ZNF804B: variants seen among roughly 807,000 people sequenced by gnomAD.
ZNF804B encodes the protein zinc finger 804B.
ZNF804B carries 80 observed loss-of-function variants against 101.4 expected under a neutral mutation model. The observed-to-expected ratio is 0.79, with a 90% CI of 0.66 to 0.95. The LOEUF (loss-of-function observed/expected upper bound fraction) is 0.95, where lower values mean the gene tolerates loss of function less well. Among genes scored for constraint, ZNF804B ranks in the 40% least tolerant of loss-of-function variants. The probability of loss-of-function intolerance (pLI) is 0.00; values close to 1 mark genes in which losing one functional copy is unlikely to be tolerated. For missense variants in ZNF804B, 1,673 were observed against 1,561.9 expected (o/e 1.07, Z -1.20); for synonymous variants, 622 against 558.8 (o/e 1.11, Z -1.59).
chr7:89,268,572 C>CT (rs139631184), intron 2 of ZNF804B, among the ~76,000 whole-genome samples: 42,641 of 150,746 alleles, frequency 0.28, 6,206 homozygotes, highest in South Asian at 0.34. Context: ...ATTTATTTTT[C>CT]TTTTTTTTTC....
In ZNF804B at chr7:89,150,805, G is replaced by A. The variant is rs1041793358; in HGVS notation, c.109-67350G>A. ...AAGGAAAGACAGAGAGCTTGGCTGAGGCTTTCTAAGAGGCCAGTCCTTCCC... is the reference window on the plus strand; with the variant it reads ...AAGGAAAGACAGAGAGCTTGGCTGAAGCTTTCTAAGAGGCCAGTCCTTCCC... On this transcript the variant is annotated intron_variant, in intron 1 of 3. Coordinates refer to ENST00000333190, the MANE Select transcript of ZNF804B (RefSeq NM_181646.5). Among the ~76,000 whole-genome samples the A allele has an allele frequency of 2.0e-5, 3 of 152,188 alleles. No homozygotes were observed. In the South Asian group the frequency reaches 6.2e-4, roughly 32 times the overall value.
rs767498932 is a variant in ZNF804B at position 89,335,045 on chromosome 7, T to C, written c.2063T>C (p.Val688Ala). The C allele has an allele frequency of 5.0e-6, 8 of 1,613,734 alleles. No homozygotes were observed. Among genetic ancestry groups the C allele is most frequent in the Non-Finnish European group, 4.2e-6 (5 of 1,179,926 alleles). The change falls in exon 4 of 4, where the codon GTT becomes GCT. Residue 688 changes from valine to alanine, a missense_variant. Transcript: ENST00000333190. ...KSNHISMTSK[V>A]SGCGNQRYKR... ...AACCACATCAGCATGACCAGCAAGGTTTCCGGATGTGGAAACCAAAGATAC... is the reference window on the plus strand; with the variant it reads ...AACCACATCAGCATGACCAGCAAGGCTTCCGGATGTGGAAACCAAAGATAC...
chr7:89,130,392 T>C (rs1790530244), intron 1 of ZNF804B, among the ~76,000 whole-genome samples: 1 of 151,864 alleles, frequency 6.6e-6, no homozygotes, highest in Non-Finnish European at 1.5e-5. Context: ...GGAATAGTTA[T>C]ATGGAAGATG....
At chr7:89,189,719 C>G (rs1433449573) in intron 1 of ZNF804B, among the ~76,000 whole-genome samples, 1 of 152,108 alleles carries the variant, frequency 6.6e-6, no homozygotes, top group Non-Finnish European at 1.5e-5. Flanking sequence ...CAGATTGTGA[C>G]TGCTGCCTCA....
chr7:89,091,859 CTTG>C (rs1392958537), intron 1 of ZNF804B, among the ~76,000 whole-genome samples: 1 of 152,066 alleles, frequency 6.6e-6, no homozygotes, highest in Non-Finnish European at 1.5e-5. Context: ...TATTCAGAGT[CTTG>C]TTTTACCTCC....
At chr7:88,865,527 G>A (rs1417011159) in intron 1 of ZNF804B, among the ~76,000 whole-genome samples, 1 of 152,050 alleles carries the variant, frequency 6.6e-6, no homozygotes, top group East Asian at 1.9e-4. Flanking sequence ...GCAAGACCCT[G>A]TTTCTTCAAA....
rs764578154 is a variant in ZNF804B, at chr7:89,109,723, C to T, written c.109-108432C>T. On this transcript the variant is annotated intron_variant, in intron 1 of 3. Coordinates refer to ENST00000333190, the MANE Select transcript of ZNF804B (RefSeq NM_181646.5). ...TAAGCATAGCTTAAATCATTCTACT[C>T]TCTTTTTCAAAAATCAGTAGCACCT... is the stretch of plus-strand genomic sequence containing the variant. Among the ~76,000 whole-genome samples, 183 of 152,156 alleles carry T rather than the reference C, an allele frequency of 1.2e-3. 2 individuals are homozygous for T. Among genetic ancestry groups the T allele is most frequent in the Admixed American group, 7.2e-4 (11 of 15,262 alleles).
chr7:88,889,875 C>T (rs1421741819), intron 1 of ZNF804B, among the ~76,000 whole-genome samples: 5 of 151,916 alleles, frequency 3.3e-5, no homozygotes, highest in African/African-American at 7.3e-5. Flanking sequence ...AAAGTGTTTC[C>T]TAGCTTTTCT....
intron 1 of ZNF804B, among the ~76,000 whole-genome samples, chr7:88,874,400 A>G (rs912481035): frequency 1.3e-5 from 2 of 151,390 alleles, no homozygotes; most frequent in Non-Finnish European, 3.0e-5. Context: ...TAGATATACA[A>G]TCATGTCGTC....
At chr7:89,209,105 T>C (rs1010958537) in intron 1 of ZNF804B, among the ~76,000 whole-genome samples, 4 of 152,170 alleles carry the variant, frequency 2.6e-5, no homozygotes, top group Admixed American at 2.0e-4. Context: ...AAGCAAACTT[T>C]AAATATTTAA....
At chr7:88,869,986 A>G (rs1248003329) in intron 1 of ZNF804B, among the ~76,000 whole-genome samples, 1 of 152,162 alleles carries the variant, frequency 6.6e-6, no homozygotes, top group Non-Finnish European at 1.5e-5. Context: ...GGAAATATAC[A>G]ATTATAAAAT....
At position 89,337,924 on chromosome 7, in the gene ZNF804B, T is replaced by TA. The variant is rs1277118726; in HGVS notation, c.*895dup. On this transcript the variant is annotated 3_prime_UTR_variant, in exon 4 of 4. Coordinates refer to ENST00000333190, the MANE Select transcript of ZNF804B (RefSeq NM_181646.5). ...GCCAATACATGTATAAGGATAGAGG[T>TA]AAAGGTTTGAAAATGTCAGTGTTTT... 1.3e-5 allele frequency among the ~76,000 whole-genome samples: 2 copies of TA among 152,044 alleles called. No individual in the cohort carries two copies. The highest frequency in any genetic ancestry group is 1.3e-4 in the Admixed American group (2 of 15,258).
At chr7:88,962,838 T>C (rs183052978) in intron 1 of ZNF804B, among the ~76,000 whole-genome samples, 1,811 of 149,928 alleles carry the variant, frequency 0.012, 20 homozygotes, top group South Asian at 0.046. Flanking sequence ...TAGTAGTTTT[T>C]TTCTGTAACA....
intron 2 of ZNF804B, among the ~76,000 whole-genome samples, chr7:89,287,012 G>A (rs1790209540): frequency 6.6e-6 from 1 of 151,922 alleles, no homozygotes; most frequent in African/African-American, 2.4e-5. Context: ...TACTCAATAT[G>A]GACACAATGA....
At position 89,219,893 on chromosome 7, in the gene ZNF804B, G is replaced by GTATATGTGTGTGTGCA. The variant is rs1562920022; in HGVS notation, c.249+1603_249+1604insGTGTGTGTGCATATAT. ...ATATGTAGTATATGTGTGTATATAT[G>GTATATGTGTGTGTGCA]TATATATGTGTGTGCATATATATGT... On this transcript the variant is annotated intron_variant, in intron 2 of 3. Coordinates refer to ENST00000333190, the MANE Select transcript of ZNF804B (RefSeq NM_181646.5). Among the ~76,000 whole-genome samples, 25 of 97,652 alleles carry GTATATGTGTGTGTGCA rather than the reference G, an allele frequency of 2.6e-4. 1 individual carries two copies. The highest frequency in any genetic ancestry group is 9.6e-4 in the African/African-American group (25 of 26,040). 64.1% of individuals were successfully genotyped at this position (97,652 alleles called of 152,430 possible).
intron 2 of ZNF804B, among the ~76,000 whole-genome samples, chr7:89,245,852 G>A (rs1789436952): frequency 6.6e-6 from 1 of 152,160 alleles, no homozygotes; most frequent in Non-Finnish European, 1.5e-5. Flanking sequence ...ACACGAGAAA[G>A]GCAGACAGCC....
chr7:88,961,279 G>A (rs1276568373), intron 1 of ZNF804B, among the ~76,000 whole-genome samples: 1 of 151,338 alleles, frequency 6.6e-6, no homozygotes, highest in Non-Finnish European at 1.5e-5. Context: ...AATTTTTAGT[G>A]TCTTATTATT....
chr7:88,827,011 A>G (rs908286740), intron 1 of ZNF804B, among the ~76,000 whole-genome samples: 1 of 152,102 alleles, frequency 6.6e-6, no homozygotes, highest in Admixed American at 6.6e-5. Context: ...CAAAACAGAA[A>G]ATAATTTTGA....
intron 1 of ZNF804B, among the ~76,000 whole-genome samples, chr7:88,773,551 A>G (rs1790099586): frequency 6.6e-6 from 1 of 152,220 alleles, no homozygotes; most frequent in Middle Eastern, 3.2e-3. Flanking sequence ...ACATAAACCA[A>G]ATAATACTGG....
Sources: gnomAD v4.1 joint callset for allele counts (sites outside exome capture counted in the v4.1 genomes callset) on GRCh38, gnomAD v4.1.1 for gene constraint, MANE v1.5 for transcripts, NCBI Gene and HGNC (gene_info 2026-07-23, HGNC 2026-07-21) for gene names.